Variants in FLCN observed in about 807,000 individuals in gnomAD.
FLCN encodes the protein BHD skin lesion fibrofolliculoma protein.
A neutral mutation model predicts 62.5 loss-of-function variants in FLCN; 22 were observed. The observed-to-expected ratio is 0.35, with a 90% CI of 0.25 to 0.50. FLCN has a LOEUF of 0.50. FLCN is among the 20% of genes least tolerant of loss of function. FLCN has a pLI of 0.97. For missense variants in FLCN, 657 were observed against 778.0 expected (o/e 0.84, Z 1.85); for synonymous variants, 319 against 310.0 (o/e 1.03, Z -0.30).
At chr17:17,223,901 G>C in intron 6 of FLCN, 21 bp downstream of exon 6, 10 of 1,612,750 alleles carry the variant, frequency 6.2e-6, no homozygotes, top group Non-Finnish European at 8.5e-6. Flanking sequence ...TGCCGCCCCG[G>C]CACCTCATCT....
chr17:17,218,625 T>G (rs1397720544), intron 9 of FLCN, among the ~76,000 whole-genome samples: 2 of 151,890 alleles, frequency 1.3e-5, no homozygotes, highest in Non-Finnish European at 2.9e-5. Flanking sequence ...CGTGATCCGC[T>G]CCCCCTTGGC....
intron 5 of FLCN, 93 bp from the exon 6 acceptor site, chr17:17,224,236 C>A: frequency 1.7e-6 from 2 of 1,172,842 alleles, no homozygotes; most frequent in Non-Finnish European, 2.5e-6. Context: ...TCAGCTGGCA[C>A]AAATCAGCCA....
chr17:17,233,478 AG>A (rs1567832074), intron 1 of FLCN, among the ~76,000 whole-genome samples: 3 of 151,196 alleles, frequency 2.0e-5, no homozygotes, highest in African/African-American at 7.3e-5. Flanking sequence ...AGGCGCCTAT[AG>A]TCCCAGCTAC....
intron 13 of FLCN, 124 bp from the exon 14 acceptor site, chr17:17,213,980 C>A: frequency 1.9e-6 from 2 of 1,048,112 alleles, no homozygotes; most frequent in Non-Finnish European, 2.9e-6. Context: ...GAGCTGGAAT[C>A]CACACCCTTG....
intron 8 of FLCN, chr17:17,220,524 C>G (rs1321228651): frequency 6.6e-6 from 1 of 152,282 alleles, no homozygotes; most frequent in Non-Finnish European, 1.5e-5. Flanking sequence ...GGGAAGGGTG[C>G]ACGTCAGAAG....
chr17:17,234,196 C>T (rs1389133623), intron 1 of FLCN, among the ~76,000 whole-genome samples: 1 of 149,932 alleles, frequency 6.7e-6, no homozygotes, highest in Admixed American at 6.6e-5. Context: ...ATGGGCTACA[C>T]TGTTTTGTTT....
chr17:17,228,311 C>T (rs1487331839), intron 3 of FLCN, 150 bp from the exon 4 acceptor site: 3 of 903,428 alleles, frequency 3.3e-6, no homozygotes, highest in Admixed American at 2.7e-5. Context: ...CCTGCCAGCA[C>T]TGCTTTGCCC....
chr17:17,222,112 G>A (rs1482380021), intron 7 of FLCN, among the ~76,000 whole-genome samples: 1 of 151,698 alleles, frequency 6.6e-6, no homozygotes, highest in Non-Finnish European at 1.5e-5. Flanking sequence ...TGAGGCAGGT[G>A]GATCACATGA....
chr17:17,217,255 TTG>T, intron 9 of FLCN, 73 bp from the exon 10 acceptor site: 1 of 1,034,310 alleles, frequency 9.7e-7, no homozygotes, highest in Non-Finnish European at 1.5e-6. Flanking sequence ...ATGAAGTTAT[TTG>T]TGTGTTCATA....
chr17:17,221,606 G>A lies in FLCN; in HGVS notation c.802C>T (p.Arg268Trp), dbSNP rs762370059. 4.0e-5 allele frequency: 64 copies of A among 1,609,250 alleles called. No individual in the cohort carries two copies. Among genetic ancestry groups the A allele is most frequent in the African/African-American group, 2.4e-4 (18 of 74,926 alleles). The change falls in exon 8 of 14, where the codon CGG becomes TGG. Residue 268 changes from arginine (R) to tryptophan (W), a missense_variant. Physicochemically the swap from Arg to Trp is moderately radical, Grantham distance 101. Coordinates refer to ENST00000285071, the MANE Select transcript of FLCN (RefSeq NM_144997.7). ...FAWLLKACGS[R>W]LTEKLLEGAP... is the part of the protein sequence containing the mutation. ...CCTTCCAGGAGCTTCTCGGTCAGCCGGCTGCCACACGCCTTCAGGAGCCTG... is the reference window on the plus strand; with the variant it reads ...CCTTCCAGGAGCTTCTCGGTCAGCCAGCTGCCACACGCCTTCAGGAGCCTG...
intron 6 of FLCN, 109 bp downstream of exon 6, chr17:17,223,813 G>GT: frequency 9.1e-7 from 1 of 1,104,708 alleles, no homozygotes; most frequent in South Asian, 1.3e-5. Flanking sequence ...TGCACTGGCT[G>GT]TAAGCAGAGG....
intron 5 of FLCN, chr17:17,225,790 A>G: frequency 6.0e-6 from 2 of 334,374 alleles, no homozygotes; most frequent in Non-Finnish European, 1.2e-5. Flanking sequence ...CTAAGGCGGG[A>G]GGATCGCTTG....
chr17:17,226,208 G>A lies in FLCN; in HGVS notation c.364C>T (p.Arg122Cys), dbSNP rs2047243116. ...PSHPQLFSIV[R>C]QACVRSLSCE... ...CTCAGGCTCCGGACACAGGCCTGGCGGACAATGCTGAAGAGCTGGGGGTGG... is the reference window on the plus strand; with the variant it reads ...CTCAGGCTCCGGACACAGGCCTGGCAGACAATGCTGAAGAGCTGGGGGTGG... The change falls in exon 5 of 14, where the codon CGC (arginine) becomes TGC (cysteine). Residue 122 changes from arginine (R) to cysteine (C), a missense_variant. Physicochemically the swap from Arg to Cys is radical, Grantham distance 180 (BLOSUM62 -3). Transcript: ENST00000285071. 2 of 1,613,982 alleles carry A rather than the reference G, an allele frequency of 1.2e-6. No homozygotes were observed. Among genetic ancestry groups the A allele is most frequent in the African/African-American group, 1.3e-5 (1 of 74,908 alleles).
rs2046943620 is a variant in FLCN at position 17,216,950 on chromosome 17, C to A, written c.1176+119G>T. ...GTGCCCACTGCGCCCCCAGTGGAGA[C>A]CGTGTGGTGCACAGCGGTTCTGTGC... On this transcript the variant is annotated intron_variant, in intron 10 of 13. Transcript: ENST00000285071. The surrounding 1 kb of genome is among the most constrained non-coding windows in gnomAD (Gnocchi z 4.0). 3.8e-6 allele frequency: 3 copies of A among 781,596 alleles called. No individual in the cohort carries two copies. Among genetic ancestry groups the A allele is most frequent in the South Asian group, 1.4e-5 (1 of 69,340 alleles). 48.4% of individuals were successfully genotyped at this position (781,596 alleles called of 1,614,324 possible).
intron 5 of FLCN, chr17:17,225,835 G>A (rs1367542112): frequency 1.0e-5 from 4 of 386,490 alleles, no homozygotes; most frequent in East Asian, 1.2e-4. Context: ...GAACCATGAC[G>A]GCACCACTGC....
At position 17,226,109 on chromosome 17, in the gene FLCN, G is replaced by A. The variant is rs754226431; in HGVS notation, c.396+67C>T. The A allele has an allele frequency of 2.5e-6, 4 of 1,608,420 alleles. No individual in the cohort carries two copies. The South Asian group carries it at 4.4e-5, about 18-fold the overall frequency. ...CCTCCCTGTGCAATGCTGGCTCCGA[G>A]CCCACCCAGAGCACCTGGGAGCATG... On this transcript the variant is annotated intron_variant, in intron 5 of 13. Coordinates refer to ENST00000285071, the MANE Select transcript of FLCN (RefSeq NM_144997.7).
rs767762804 is a variant in FLCN, at chr17:17,215,257, A to C, written c.1360T>G (p.Cys454Gly). The change falls in exon 12 of 14, where the codon TGT becomes GGT. Residue 454 changes from cysteine to glycine, a missense_variant. By Grantham distance (159) the Cys-to-Gly change is radical. Coordinates refer to ENST00000285071, the MANE Select transcript of FLCN (RefSeq NM_144997.7). ...AARSTLHPVG[C>G]EDDQSLSKYE... ...TTGCTGAGAGACTGGTCATCCTCACACCCCACAGGGTGGAGGGTGGAACGT... is the reference window on the plus strand; with the variant it reads ...TTGCTGAGAGACTGGTCATCCTCACCCCCCACAGGGTGGAGGGTGGAACGT... 6.2e-7 allele frequency: 1 copy of C among 1,613,898 alleles called. No homozygotes were observed. Among genetic ancestry groups the C allele is most frequent in the Non-Finnish European group, 8.5e-7 (1 of 1,179,972 alleles).
chr17:17,223,227 G>A, intron 6 of FLCN: 1 of 193,938 alleles, frequency 5.2e-6, no homozygotes. Context: ...CCAAGTAGCT[G>A]GGATTACAGG....
chr17:17,215,382 C>T, intron 11 of FLCN, 66 bp from the exon 12 acceptor site: 2 of 1,609,734 alleles, frequency 1.2e-6, no homozygotes, highest in African/African-American at 1.3e-5. Context: ...TGCGCTAGCC[C>T]ACCGTGGGCC....
Sources: allele counts gnomAD v4.1 joint callset (sites outside exome capture counted in the v4.1 genomes callset), GRCh38; gene constraint gnomAD v4.1.1; non-coding constraint Gnocchi (gnomAD v3.1); transcripts MANE v1.5; gene names NCBI Gene and HGNC (gene_info 2026-07-23, HGNC 2026-07-21).